The following NLRP11 variants were observed in gnomAD, a reference collection of about 807,000 sequenced individuals.
NLRP11 encodes NLR family pyrin domain containing 11, also known as NACHT, LRR and PYD domains-containing protein 11.
NLRP11 carries 53 observed loss-of-function variants against 79.3 expected under a neutral mutation model. The ratio of observed to expected loss-of-function variants is 0.67; its 90% CI spans 0.54 to 0.84. The LOEUF (loss-of-function observed/expected upper bound fraction) is 0.84. Ranked by LOEUF, NLRP11 falls within the 40% of genes least tolerant of loss-of-function variation. The pLI is 0.00. For synonymous variants in NLRP11, 518 were observed against 462.6 expected, an observed-to-expected ratio of 1.12 and a Z score of -1.54; for missense variants, 1,264 against 1,255.0, an observed-to-expected ratio of 1.01 and a Z score of -0.11.
At position 55,792,490 on chromosome 19, in the gene NLRP11, G is replaced by A. The variant is rs1283054137; in HGVS notation, c.2343-19C>T. The stretch of plus-strand genomic sequence containing the variant: ...GACTAACCTGCACACAGAGAAGAGT[G>A]AGTCAGTGACAGTGTGAGCACCAGA... On this transcript the variant is annotated intron_variant, in intron 6 of 9. Coordinates refer to ENST00000589093, the Ensembl canonical transcript of NLRP11. 3 of 1,611,244 alleles carry A rather than the reference G, an allele frequency of 1.9e-6. No homozygotes were observed. Among genetic ancestry groups the A allele is most frequent in the African/African-American group, 2.7e-5 (2 of 74,874 alleles).
chr19:55,789,126 A>G (rs1037289067), intron 8 of NLRP11, 103 bp downstream of exon 8: 2 of 1,398,756 alleles, frequency 1.4e-6, no homozygotes, highest in Non-Finnish European at 2.0e-6. Flanking sequence ...CAAACACTAG[A>G]CTATTATGTC....
intron 1 of NLRP11, among the ~76,000 whole-genome samples, chr19:55,831,650 GAGTT>G (rs1015842841): frequency 3.2e-4 from 48 of 151,858 alleles, no homozygotes; most frequent in African/African-American, 1.0e-3. Flanking sequence ...CTATGATGAC[GAGTT>G]AGTTAGGTTT....
chr19:55,823,167 C>A lies in NLRP11; in HGVS notation c.-62-4931G>T, dbSNP rs538808045. ...AGCAGGAGCACACTGACACCTCACA[C>A]GGCAGGGTATTCCAACAGACCTGCA... is the stretch of plus-strand genomic sequence containing the variant. On this transcript the variant is annotated intron_variant, in intron 1 of 9. Transcript: ENST00000589093. Among the ~76,000 whole-genome samples, 15 of 146,198 alleles carry A rather than the reference C, an allele frequency of 1.0e-4. 1 individual carries two copies. The East Asian group carries it at 2.1e-3, about 20-fold the overall frequency.
intron 1 of NLRP11, among the ~76,000 whole-genome samples, chr19:55,819,400 G>A (rs1432853065): frequency 2.0e-5 from 3 of 152,112 alleles, no homozygotes; most frequent in Non-Finnish European, 4.4e-5. Context: ...TAAACCCCGT[G>A]AGCCTCCCAC....
At chr19:55,801,278 G>A (rs958461170) in intron 5 of NLRP11, 1 of 282,208 alleles carries the variant, frequency 3.5e-6, no homozygotes, top group Non-Finnish European at 6.6e-6. Flanking sequence ...CCACTAGACA[G>A]TGTTTTAGGG....
At chr19:55,787,318 C>T (rs1298916078) in intron 9 of NLRP11, among the ~76,000 whole-genome samples, 1 of 152,154 alleles carries the variant, frequency 6.6e-6, no homozygotes, top group Non-Finnish European at 1.5e-5. Context: ...ATCATCTTTG[C>T]CTCTAGCATA....
intron 1 of NLRP11, among the ~76,000 whole-genome samples, chr19:55,820,531 C>T (rs1380930355): frequency 6.6e-6 from 1 of 152,094 alleles, no homozygotes; most frequent in Non-Finnish European, 1.5e-5. Flanking sequence ...GGGAAGCAAT[C>T]GCACCCTTTG....
intron 5 of NLRP11, among the ~76,000 whole-genome samples, chr19:55,798,554 T>C (rs1979165082): frequency 6.6e-6 from 1 of 152,100 alleles, no homozygotes; most frequent in Admixed American, 6.6e-5. Context: ...TAAAAATATC[T>C]ATGAGGTACT....
At chr19:55,787,956 C>T (rs1989985240) in intron 9 of NLRP11, among the ~76,000 whole-genome samples, 1 of 152,122 alleles carries the variant, frequency 6.6e-6, no homozygotes, top group Admixed American at 6.5e-5. Flanking sequence ...TTGACCCTAG[C>T]CCTGGATGAC....
At chr19:55,810,144 C>T (rs766282634) in exon 3 of NLRP11, 39 of 1,613,850 alleles carry the variant, frequency 2.4e-5, no homozygotes, top group Non-Finnish European at 3.0e-5. Context: ...TTTCCAGATG[C>T]TCTCTCTCCC....
At chr19:55,827,260 C>A (rs1218830529) in intron 1 of NLRP11, among the ~76,000 whole-genome samples, 4 of 142,394 alleles carry the variant, frequency 2.8e-5, no homozygotes, top group African/African-American at 1.1e-4. Flanking sequence ...ATACAAAAAT[C>A]AATTCAAGAT....
At chr19:55,816,086 TA>T (rs1487790512) in intron 2 of NLRP11, among the ~76,000 whole-genome samples, 4 of 152,202 alleles carry the variant, frequency 2.6e-5, no homozygotes, top group Non-Finnish European at 5.9e-5. Flanking sequence ...AAATATTGTA[TA>T]AAAGTTGTCT....
rs752782865 is a variant in NLRP11 at position 55,830,598 on chromosome 19, T to TTAAAAAAA, written c.-63+1364_-63+1365insTTTTTTTA. 8.3e-4 allele frequency among the ~76,000 whole-genome samples: 107 copies of TTAAAAAAA among 129,206 alleles called. 2 individuals are homozygous for TTAAAAAAA. Among genetic ancestry groups the TTAAAAAAA allele is most frequent in the Middle Eastern group, 4.1e-3 (1 of 244 alleles). The allele number at this position is 129,206 out of a possible 152,430, so 84.8% of individuals were successfully genotyped here. A position where few individuals can be genotyped will look rare whatever the true frequency, so the allele number is the denominator to read the frequency against. Reference sequence around the variant, plus strand: ...GCCTAGTGATGGCTTCTTAGCTTCCTAAAAAAAAAAAAAAAAATGCAACGT... The same window carrying TTAAAAAAA: ...GCCTAGTGATGGCTTCTTAGCTTCCTTAAAAAAAAAAAAAAAAAAAAAAAATGCAACGT... On this transcript the variant is annotated intron_variant, in intron 1 of 9. Coordinates refer to ENST00000589093, the Ensembl canonical transcript of NLRP11.
intron 5 of NLRP11, among the ~76,000 whole-genome samples, chr19:55,797,999 A>AT (rs376926915): frequency 0.6 from 83,350 of 139,782 alleles, 24,647 homozygotes; most frequent in Admixed American, 0.69. Context: ...TATTATTATT[A>AT]TTTTTTTTTT....
At chr19:55,835,930 C>T (rs1184008875), upstream of NLRP11, among the ~76,000 whole-genome samples, 1 of 152,254 alleles carries the variant, frequency 6.6e-6, no homozygotes, top group East Asian at 1.9e-4. Context: ...TCGAGACCAG[C>T]CTGGCCAACA....
chr19:55,789,007 G>C, intron 8 of NLRP11, 30 bp from the exon 9 acceptor site: 1 of 1,611,180 alleles, frequency 6.2e-7, no homozygotes. Flanking sequence ...GTAAGGTGGG[G>C]CCAAATCCTT....
At chr19:55,795,571 C>T (rs1978754211) in intron 6 of NLRP11, among the ~76,000 whole-genome samples, 1 of 152,014 alleles carries the variant, frequency 6.6e-6, no homozygotes, top group Non-Finnish European at 1.5e-5. Context: ...TTCACTGCAA[C>T]CTCCGCCTCC....
Position 55,809,695 on chromosome 19 carries a change from C to T in NLRP11, c.915G>A (p.Arg305=), listed in dbSNP as rs1350314647. The change falls in exon 3 of 10, where the codon AGG becomes AGA. Residue 305 remains arginine, a synonymous_variant. Coordinates refer to ENST00000589093, the Ensembl canonical transcript of NLRP11. The surrounding 1 kb of genome is among the most constrained non-coding windows in gnomAD (Gnocchi z 4.5). ...TAAAGAAAGAGTTAAAATATATCTCCCTCTTCCCATTCGACAGCTGCAAGG... is the reference window on the plus strand; with the variant it reads ...TAAAGAAAGAGTTAAAATATATCTCTCTCTTCCCATTCGACAGCTGCAAGG... The T allele has an allele frequency of 1.2e-6, 2 of 1,613,982 alleles. No individual in the cohort carries two copies. The highest frequency in any genetic ancestry group is 1.1e-5 in the South Asian group (1 of 91,030).
At chr19:55,789,012 A>G in intron 8 of NLRP11, 35 bp from the exon 9 acceptor site, 1 of 1,610,540 alleles carries the variant, frequency 6.2e-7, no homozygotes, top group Non-Finnish European at 8.5e-7. Context: ...GTGGGGCCAA[A>G]TCCTTGAGGA....
Sources: allele counts gnomAD v4.1 joint callset (sites outside exome capture counted in the v4.1 genomes callset), GRCh38; gene constraint gnomAD v4.1.1; non-coding constraint Gnocchi (gnomAD v3.1); transcripts MANE v1.5; gene names NCBI Gene and HGNC (gene_info 2026-07-23, HGNC 2026-07-21).